The following KANK1 variants were observed in gnomAD, a reference collection of about 807,000 sequenced individuals.
KANK1 encodes KN motif and ankyrin repeat domain-containing protein 1.
KANK1 carries 109 observed loss-of-function variants against 106.2 expected under a neutral mutation model. The ratio of observed to expected loss-of-function variants is 1.03; its 90% CI spans 0.88 to 1.20. KANK1 has a LOEUF of 1.20. Ranked by LOEUF, KANK1 falls within the 50% of genes most tolerant of loss-of-function variation. The pLI is 0.00. For missense variants in KANK1, 2,399 were observed against 1,710.7 expected (o/e 1.40, Z -7.10); for synonymous variants, 873 against 652.2 (o/e 1.34, Z -5.16).
chr9:710,714 C>G, intron 2 of KANK1, 90 bp from the exon 3 acceptor site: 1 of 1,225,142 alleles, frequency 8.2e-7, no homozygotes, highest in East Asian at 2.4e-5. Context: ...AAAATCATAC[C>G]AGCTTGCTGT....
chr9:738,113 G>C (rs941882091), intron 7 of KANK1, among the ~76,000 whole-genome samples, 172 bp from the exon 8 acceptor site: 1 of 152,172 alleles, frequency 6.6e-6, no homozygotes, highest in Non-Finnish European at 1.5e-5. Context: ...AAAATCAGGA[G>C]AAATGTCCCA....
At chr9:561,635 G>A (rs890674827) in intron 1 of KANK1, among the ~76,000 whole-genome samples, 1 of 152,190 alleles carries the variant, frequency 6.6e-6, no homozygotes, top group African/African-American at 2.4e-5. Context: ...AATAGGAACC[G>A]CATGTGTTAA....
chr9:519,015 C>T (rs1010320792), intron 1 of KANK1, among the ~76,000 whole-genome samples: 5 of 151,686 alleles, frequency 3.3e-5, no homozygotes, highest in East Asian at 1.9e-4. Flanking sequence ...CTCAGCCTCC[C>T]GAGTAGCTGG....
At chr9:703,371 A>G (rs1823183325) in intron 2 of KANK1, among the ~76,000 whole-genome samples, 1 of 152,070 alleles carries the variant, frequency 6.6e-6, no homozygotes, top group Non-Finnish European at 1.5e-5. Flanking sequence ...GCTAGACTAT[A>G]TCTGATTTTA....
chr9:665,570 G>T (rs372671049), intron 1 of KANK1, among the ~76,000 whole-genome samples: 6 of 152,186 alleles, frequency 3.9e-5, no homozygotes, highest in African/African-American at 1.4e-4. Flanking sequence ...GGCTACTATA[G>T]CCTTGTAGTA....
At chr9:660,183 A>G in intron 1 of KANK1, 1 of 305,242 alleles carries the variant, frequency 3.3e-6, no homozygotes, top group Non-Finnish European at 6.9e-6. Context: ...TTTAAAAAGA[A>G]ATTTGCCTGC....
At chr9:471,652 C>T (rs2058023703) in intron 2 of KANK1, 1 of 152,176 alleles carries the variant, frequency 6.6e-6, no homozygotes, top group Non-Finnish European at 1.5e-5. Flanking sequence ...CCTGCAATCC[C>T]AGGGTTCTGG....
chr9:637,693 A>G (rs921427795), intron 1 of KANK1, among the ~76,000 whole-genome samples: 6 of 152,136 alleles, frequency 3.9e-5, no homozygotes, highest in African/African-American at 1.2e-4. Context: ...TTCTAGTTAA[A>G]TATTTAATGT....
chr9:503,293 C>T (rs1312386378), upstream of KANK1, among the ~76,000 whole-genome samples: 1 of 152,034 alleles, frequency 6.6e-6, no homozygotes, highest in Non-Finnish European at 1.5e-5. Flanking sequence ...TCCAAATGCC[C>T]TACTCTACAG....
chr9:616,454 C>A (rs1185607843), intron 1 of KANK1, among the ~76,000 whole-genome samples: 1 of 152,162 alleles, frequency 6.6e-6, no homozygotes, highest in Admixed American at 6.5e-5. Flanking sequence ...GTCACTTCTC[C>A]AAGCTGTCAT....
intron 1 of KANK1, among the ~76,000 whole-genome samples, chr9:601,444 AG>A (rs1398360714): frequency 6.6e-6 from 1 of 151,760 alleles, no homozygotes; most frequent in Non-Finnish European, 1.5e-5. Flanking sequence ...ATTTCTGGTT[AG>A]TTATTTTGTG....
intron 1 of KANK1, among the ~76,000 whole-genome samples, chr9:582,995 A>T (rs971354776): frequency 6.6e-6 from 1 of 152,180 alleles, no homozygotes. Context: ...ATTTTTTTTG[A>T]TATCAGAATG....
chr9:617,537 C>G (rs1482037983), intron 1 of KANK1, among the ~76,000 whole-genome samples: 1 of 152,166 alleles, frequency 6.6e-6, no homozygotes, highest in African/African-American at 2.4e-5. Context: ...TGAAGGCAGC[C>G]TGGCAGGCAG....
chr9:646,125 G>T (rs932116436), intron 1 of KANK1, among the ~76,000 whole-genome samples: 2 of 150,640 alleles, frequency 1.3e-5, no homozygotes, highest in Non-Finnish European at 2.9e-5. Flanking sequence ...TACCTATTTT[G>T]ACAGCCATAC....
chr9:531,548 C>T (rs1439437804), intron 1 of KANK1, among the ~76,000 whole-genome samples: 1 of 152,188 alleles, frequency 6.6e-6, no homozygotes, highest in East Asian at 1.9e-4. Context: ...CAAAGCAAAA[C>T]TCAATTTGAG....
intron 1 of KANK1, among the ~76,000 whole-genome samples, chr9:609,356 C>G (rs10758735): frequency 0.71 from 108,314 of 152,118 alleles, 39,175 homozygotes; most frequent in Non-Finnish European, 0.78. Context: ...GGCTGGGCAT[C>G]GTGGCTCACG....
chr9:521,554 C>G (rs1360506476), intron 1 of KANK1, among the ~76,000 whole-genome samples: 1 of 148,234 alleles, frequency 6.7e-6, no homozygotes, highest in African/African-American at 2.5e-5. Flanking sequence ...ACTTTCTTTT[C>G]CCTCCAGATT....
chr9:533,080 A>C (rs1262258918), intron 1 of KANK1, among the ~76,000 whole-genome samples: 5 of 152,196 alleles, frequency 3.3e-5, no homozygotes, highest in African/African-American at 1.2e-4. Flanking sequence ...CATTGCTTTG[A>C]AGCCAGTGCC....
intron 1 of KANK1, chr9:660,149 G>A: frequency 3.0e-6 from 1 of 334,546 alleles, no homozygotes; most frequent in Non-Finnish European, 6.1e-6. Context: ...TGATGATTAT[G>A]ATAAAAAGAA....
Sources: gnomAD v4.1 joint callset for allele counts (sites outside exome capture counted in the v4.1 genomes callset) on GRCh38, gnomAD v4.1.1 for gene constraint, MANE v1.5 for transcripts, NCBI Gene and HGNC (gene_info 2026-07-23, HGNC 2026-07-21) for gene names.